The following GALNT13 variants were observed in gnomAD, a reference collection of about 807,000 sequenced individuals.
GALNT13 encodes the protein polypeptide N-acetylgalactosaminyltransferase 13, also known as UDP-GalNAc:polypeptide N-acetylgalactosaminyltransferase 13.
GALNT13 carries 28 observed loss-of-function variants against 64.2 expected under a neutral mutation model. The observed-to-expected ratio is 0.44, with a 90% CI of 0.32 to 0.60. The LOEUF (loss-of-function observed/expected upper bound fraction) is 0.60, where lower values mean the gene tolerates loss of function less well. Ranked by LOEUF, GALNT13 falls within the 20% of genes least tolerant of loss-of-function variation. The pLI, the probability that GALNT13 is intolerant of heterozygous loss-of-function variation, is 0.05. For synonymous variants in GALNT13, 214 were observed against 224.6 expected (o/e 0.95, Z 0.42); for missense variants, 577 against 669.8 (o/e 0.86, Z 1.53).
At chr2:153,940,082 T>G (rs750279669) in intron 2 of GALNT13, among the ~76,000 whole-genome samples, 7 of 152,188 alleles carry the variant, frequency 4.6e-5, no homozygotes, top group Non-Finnish European at 8.8e-5. Flanking sequence ...TGTTGTTGTT[T>G]TTTTCAGTTT....
the GALNT13 span, among the ~76,000 whole-genome samples, chr2:153,688,955 C>T: frequency 4.8e-5 from 7 of 146,772 alleles, no homozygotes; most frequent in Non-Finnish European, 1.0e-4. Context: ...GCGTATATAC[C>T]GAAAGTGCAA....
chr2:153,784,952 G>A, the GALNT13 span, among the ~76,000 whole-genome samples: 1 of 152,196 alleles, frequency 6.6e-6, no homozygotes, highest in Non-Finnish European at 1.5e-5. Flanking sequence ...CAGTACAGCA[G>A]CTCTGTGGAG....
At chr2:154,173,274 T>C (rs1428628340) in intron 4 of GALNT13, among the ~76,000 whole-genome samples, 1 of 151,830 alleles carries the variant, frequency 6.6e-6, no homozygotes, top group Non-Finnish European at 1.5e-5. Context: ...TGGATAACTG[T>C]AGAAGAATGA....
At chr2:153,418,761 G>A in the GALNT13 span, among the ~76,000 whole-genome samples, 1 of 152,178 alleles carries the variant, frequency 6.6e-6, no homozygotes, top group Non-Finnish European at 1.5e-5. Context: ...AGGGGGCTGA[G>A]GTGGGAGGAT....
At chr2:153,808,576 G>A in the GALNT13 span, among the ~76,000 whole-genome samples, 24 of 152,120 alleles carry the variant, frequency 1.6e-4, no homozygotes, top group Non-Finnish European at 2.8e-4. Flanking sequence ...TGTGACTTCA[G>A]TCTCTGTTGT....
At chr2:153,866,311 TA>T in the GALNT13 span, among the ~76,000 whole-genome samples, 34 of 150,480 alleles carry the variant, frequency 2.3e-4, no homozygotes, top group East Asian at 5.9e-4. Flanking sequence ...TAAAGTATAA[TA>T]AAAAAAAATA....
At chr2:154,426,850 T>C (rs1700492537) in intron 11 of GALNT13, among the ~76,000 whole-genome samples, 1 of 152,188 alleles carries the variant, frequency 6.6e-6, no homozygotes, top group Non-Finnish European at 1.5e-5. Context: ...CTGTTTCCCA[T>C]AAAGACTAGG....
At chr2:154,206,804 A>T (rs1687483837) in intron 4 of GALNT13, among the ~76,000 whole-genome samples, 1 of 151,904 alleles carries the variant, frequency 6.6e-6, no homozygotes, top group Non-Finnish European at 1.5e-5. Context: ...AACAACAAAA[A>T]AAAAAAACAG....
the GALNT13 span, among the ~76,000 whole-genome samples, chr2:153,688,991 GGTGTGT>G: frequency 0.019 from 2,506 of 130,186 alleles, 33 homozygotes; most frequent in African/African-American, 0.041. Flanking sequence ...TAGAGGTAGG[GGTGTGT>G]GTGTGTGTGT....
chr2:153,910,987 G>A (rs531843881), intron 2 of GALNT13, among the ~76,000 whole-genome samples: 6 of 152,198 alleles, frequency 3.9e-5, no homozygotes, highest in South Asian at 2.1e-4. Flanking sequence ...CTAACTTTCC[G>A]CCTTGATGAT....
At chr2:153,862,592 C>A in the GALNT13 span, among the ~76,000 whole-genome samples, 5 of 151,958 alleles carry the variant, frequency 3.3e-5, no homozygotes, top group African/African-American at 1.2e-4. Context: ...TTAGGCATAT[C>A]ATTTAAATAT....
At chr2:153,250,679 C>T in the GALNT13 span, among the ~76,000 whole-genome samples, 3 of 152,168 alleles carry the variant, frequency 2.0e-5, no homozygotes, top group Non-Finnish European at 4.4e-5. Context: ...GGCACATATA[C>T]ACCATGAAAT....
the GALNT13 span, among the ~76,000 whole-genome samples, chr2:153,637,391 A>G: frequency 1.3e-5 from 2 of 152,054 alleles, no homozygotes; most frequent in African/African-American, 4.8e-5. Context: ...GGAAATTCCA[A>G]TTTTGGCTTC....
intron 3 of GALNT13, among the ~76,000 whole-genome samples, chr2:154,120,142 C>A (rs1364533): frequency 0.55 from 83,839 of 151,958 alleles, 24,354 homozygotes; most frequent in East Asian, 0.85. Context: ...TGGAATGGCA[C>A]TCTGGTAATA....
At chr2:153,910,543 A>G (rs779925308) in intron 2 of GALNT13, among the ~76,000 whole-genome samples, 1 of 151,868 alleles carries the variant, frequency 6.6e-6, no homozygotes, top group Non-Finnish European at 1.5e-5. Context: ...TTAATTTGAG[A>G]TCTTTCTAAG....
At chr2:153,265,151 G>A in the GALNT13 span, among the ~76,000 whole-genome samples, 1 of 152,136 alleles carries the variant, frequency 6.6e-6, no homozygotes, top group Admixed American at 6.5e-5. Context: ...GGGAAGGGGT[G>A]ATGCAAGCAC....
chr2:154,354,464 T>G (rs1696605787), intron 9 of GALNT13, among the ~76,000 whole-genome samples: 1 of 109,962 alleles, frequency 9.1e-6, no homozygotes, highest in African/African-American at 3.5e-5. Context: ...GCTGAGCTTT[T>G]GGTGTGATAT....
intron 3 of GALNT13, among the ~76,000 whole-genome samples, chr2:153,946,817 G>T (rs1179838141): frequency 6.6e-6 from 1 of 152,004 alleles, no homozygotes; most frequent in Non-Finnish European, 1.5e-5. Context: ...TATTTGTCTG[G>T]AATAAATGGA....
chr2:154,162,184 C>T (rs1239628516), intron 4 of GALNT13, among the ~76,000 whole-genome samples: 1 of 152,170 alleles, frequency 6.6e-6, no homozygotes, highest in Non-Finnish European at 1.5e-5. Context: ...AACAGAATGT[C>T]ATTACACTGG....
Sources: gnomAD v4.1 joint callset for allele counts (sites outside exome capture counted in the v4.1 genomes callset) on GRCh38, gnomAD v4.1.1 for gene constraint, MANE v1.5 for transcripts, NCBI Gene and HGNC (gene_info 2026-07-23, HGNC 2026-07-21) for gene names.